The following CNTRL variants were observed in gnomAD, a reference collection of about 807,000 sequenced individuals.
CNTRL encodes centriolin.
A neutral mutation model predicts 303.7 loss-of-function variants in CNTRL; 233 were observed. The ratio of observed to expected loss-of-function variants is 0.77; its 90% confidence interval spans 0.69 to 0.86. The LOEUF (loss-of-function observed/expected upper bound fraction) is 0.86, where lower values mean the gene tolerates loss of function less well. Ranked by LOEUF, CNTRL falls within the 40% of genes least tolerant of loss-of-function variation. The pLI is 0.00. For missense variants in CNTRL, 2,524 were observed against 2,650.6 expected (o/e 0.95, Z 1.05); for synonymous variants, 900 against 922.2 (o/e 0.98, Z 0.44).
At chr9:121,171,597 C>T in intron 40 of CNTRL, 49 bp downstream of exon 40, 1 of 1,587,332 alleles carries the variant, frequency 6.3e-7, no homozygotes, top group Non-Finnish European at 8.6e-7. Flanking sequence ...AGAGGACTCA[C>T]TGGGCTCAGG....
chr9:121,103,637 T>G (rs2049298257), intron 7 of CNTRL, among the ~76,000 whole-genome samples: 1 of 152,144 alleles, frequency 6.6e-6, no homozygotes, highest in Non-Finnish European at 1.5e-5. Flanking sequence ...AGAAAATTTT[T>G]GCAATGCACC....
chr9:121,142,148 C>G lies in CNTRL; in HGVS notation c.2749C>G (p.His917Asp). 6.2e-7 allele frequency: 1 copy of G among 1,610,442 alleles called. No homozygotes were observed. The highest frequency in any genetic ancestry group is 1.7e-5 in the Admixed American group (1 of 59,598). ...ARIQQMENEI[H>D]YLQENLKSME... ...AATCCAGCAAATGGAGAATGAAATT[C>G]ACTATTTGCAAGAAAATCTAAAAAG... The change falls in exon 19 of 44, where the codon CAC becomes GAC. Residue 917 changes from histidine (H) to aspartate (D), a missense_variant. His to Asp is a moderately conservative substitution (Grantham distance 81). Transcript: ENST00000373855.
At chr9:121,132,406 C>T (rs1040195445) in intron 14 of CNTRL, among the ~76,000 whole-genome samples, 4 of 152,188 alleles carry the variant, frequency 2.6e-5, no homozygotes, top group Admixed American at 1.3e-4. Context: ...GATACCCTTT[C>T]TTCCACTTGA....
At position 121,142,213 on chromosome 9, in the gene CNTRL, G is replaced by A; in HGVS notation, c.2814G>A (p.Gln938=). The A allele has an allele frequency of 6.2e-7, 1 of 1,611,992 alleles. No individual in the cohort carries two copies. The highest frequency in any genetic ancestry group is 8.5e-7 in the Non-Finnish European group (1 of 1,179,268). ...EIQGLTDLQL[Q]EADEEKERIL... ...AAGGCCTTACAGATCTCCAACTTCA[G>A]GAAGCTGATGAAGAGAAGGAGAGAA... Residue 938 remains glutamine, a synonymous_variant, in exon 19 of 44, where the codon CAG becomes CAA. Transcript: ENST00000373855.
At position 121,075,085 on chromosome 9, in the gene CNTRL, C is replaced by G; in HGVS notation, c.-205+18C>G. 1 of 385,078 alleles carries G rather than the reference C, an allele frequency of 2.6e-6. No homozygotes were observed. Among genetic ancestry groups the G allele is most frequent in the Non-Finnish European group, 5.2e-6 (1 of 190,538 alleles). The allele number at this position is 385,078 out of a possible 1,614,324, so 23.9% of individuals were successfully genotyped here. On this transcript the variant is annotated intron_variant, in intron 1 of 43. Coordinates refer to ENST00000373855, the MANE Select transcript of CNTRL (RefSeq NM_007018.6). ...TCTAGGCGGTGAGCGTCAGACCTGG[C>G]CGAGCCCGTTCCCCGGCATCCGGCC... is the stretch of plus-strand genomic sequence containing the variant.
At chr9:121,098,610 G>T in intron 7 of CNTRL, 38 bp downstream of exon 7, 2 of 1,335,886 alleles carry the variant, frequency 1.5e-6, no homozygotes, top group Non-Finnish European at 2.0e-6. Flanking sequence ...TTTGGGTGAG[G>T]GAGGAATTTA....
At chr9:121,122,103 T>C (rs192611949) in intron 12 of CNTRL, among the ~76,000 whole-genome samples, 21 of 152,370 alleles carry the variant, frequency 1.4e-4, no homozygotes, top group African/African-American at 4.1e-4. Context: ...ATGTACACCA[T>C]TGGCATATTG....
At chr9:121,149,594 T>C (rs2052095143) in intron 24 of CNTRL, among the ~76,000 whole-genome samples, 1 of 151,836 alleles carries the variant, frequency 6.6e-6, no homozygotes, top group South Asian at 2.1e-4. Flanking sequence ...TTAGTAGAGA[T>C]GAGGGTTTCA....
chr9:121,095,304 A>G (rs2048843687), intron 5 of CNTRL, among the ~76,000 whole-genome samples: 1 of 152,154 alleles, frequency 6.6e-6, no homozygotes, highest in African/African-American at 2.4e-5. Context: ...TTTCCCAGAT[A>G]TTGTCTGTGA....
chr9:121,116,701 G>T (rs1359194651), intron 11 of CNTRL, among the ~76,000 whole-genome samples: 1 of 152,192 alleles, frequency 6.6e-6, no homozygotes, highest in Admixed American at 6.5e-5. Flanking sequence ...CTTACTTCAT[G>T]AAGAGTGAAA....
At chr9:121,157,051 T>C (rs990043748) in intron 27 of CNTRL, among the ~76,000 whole-genome samples, 2 of 152,222 alleles carry the variant, frequency 1.3e-5, no homozygotes, top group Admixed American at 1.3e-4. Context: ...CAAATGACTG[T>C]ATTTATTTTT....
chr9:121,088,607 G>A (rs961144783), intron 3 of CNTRL, 64 bp downstream of exon 3: 24 of 1,107,146 alleles, frequency 2.2e-5, no homozygotes, highest in Non-Finnish European at 3.0e-5. Flanking sequence ...GAAAATTTTC[G>A]GCTTGCATTT....
At chr9:121,122,554 T>C (rs2050288892) in intron 12 of CNTRL, 1 of 282,620 alleles carries the variant, frequency 3.5e-6, no homozygotes, top group Non-Finnish European at 5.3e-6. Context: ...TCATTTATTG[T>C]TGTATTCCTC....
At chr9:121,086,248 G>A (rs1334010839) in intron 2 of CNTRL, among the ~76,000 whole-genome samples, 1 of 152,170 alleles carries the variant, frequency 6.6e-6, no homozygotes, top group Non-Finnish European at 1.5e-5. Context: ...AAACAAAACA[G>A]ACAGGCTCTC....
chr9:121,161,734 C>T (rs2052862814), intron 32 of CNTRL, 122 bp from the exon 33 acceptor site: 1 of 628,016 alleles, frequency 1.6e-6, no homozygotes. Flanking sequence ...ACCATTAATT[C>T]AGCTCAACAA....
intron 14 of CNTRL, among the ~76,000 whole-genome samples, chr9:121,135,113 T>A (rs548627388): frequency 6.6e-6 from 1 of 152,330 alleles, no homozygotes; most frequent in East Asian, 1.9e-4. Flanking sequence ...TAAGGTTTAA[T>A]CACAAAACAC....
Position 121,138,568 on chromosome 9 carries a change from A to G in CNTRL, c.2226A>G (p.Ala742=), listed in dbSNP as rs1186666133. 1 of 1,613,992 alleles carries G rather than the reference A, an allele frequency of 6.2e-7. No individual in the cohort carries two copies. The highest frequency in any genetic ancestry group is 8.5e-7 in the Non-Finnish European group (1 of 1,179,858). The change falls in exon 16 of 44, where the codon GCA becomes GCG. Residue 742 remains alanine, a synonymous_variant. Transcript: ENST00000373855. ...LTQLEQSALQ[A]ELEKERQALK... The stretch of plus-strand genomic sequence containing the variant: ...AGTTAGAACAATCAGCCCTTCAAGC[A>G]GAACTTGAGAAGGAAAGGCAAGCCC...
chr9:121,104,487 T>A (rs2049354655), intron 7 of CNTRL, among the ~76,000 whole-genome samples: 2 of 152,068 alleles, frequency 1.3e-5, no homozygotes, highest in Non-Finnish European at 2.9e-5. Flanking sequence ...AACCTGCACG[T>A]TGTGCACATG....
intron 35 of CNTRL, among the ~76,000 whole-genome samples, 158 bp downstream of exon 35, chr9:121,165,258 C>T (rs556504270): frequency 6.6e-6 from 1 of 151,926 alleles, no homozygotes; most frequent in Non-Finnish European, 1.5e-5. Flanking sequence ...TACTAAAAGC[C>T]TTTGAATTGT....
Sources: allele counts gnomAD v4.1 joint callset (sites outside exome capture counted in the v4.1 genomes callset), GRCh38; gene constraint gnomAD v4.1.1; transcripts MANE v1.5; gene names NCBI Gene and HGNC (gene_info 2026-07-23, HGNC 2026-07-21).